Variants in NET1 observed in about 807,000 individuals in gnomAD.
NET1 encodes neuroepithelial cell transforming 1.
A neutral mutation model predicts 61.1 loss-of-function variants in NET1; 42 were observed. That is an observed-to-expected ratio of 0.69 (90% confidence interval 0.54 to 0.89). NET1 has a LOEUF of 0.89. Ranked by LOEUF, NET1 falls within the 40% of genes least tolerant of loss-of-function variation. The pLI, the probability that NET1 is intolerant of heterozygous loss-of-function variation, is 0.00. For missense variants in NET1, 654 were observed against 747.3 expected, an observed-to-expected ratio of 0.88 and a Z score of 1.46; for synonymous variants, 254 against 281.8, an observed-to-expected ratio of 0.90 and a Z score of 0.99.
Position 5,446,774 on chromosome 10 carries a change from A to G in NET1, c.256-5056A>G, listed in dbSNP as rs751713375. 1 of 1,604,504 alleles carries G rather than the reference A, an allele frequency of 6.2e-7. No individual in the cohort carries two copies. Among genetic ancestry groups the G allele is most frequent in the South Asian group, 1.1e-5 (1 of 89,024 alleles). ...GGGAGTACTTGGGAAGCATGGTGGC[A>G]CATGATGAGACTGGAGGTCTCCTAC... On this transcript the variant is annotated intron_variant, in intron 3 of 11. Coordinates refer to ENST00000355029, the MANE Select transcript of NET1 (RefSeq NM_001047160.3). This position sits in a 1 kb window ranked among gnomAD's most constrained non-coding sequence, Gnocchi z 5.0.
rs1345739776 is a variant in NET1, at chr10:5,457,462, CTT to C, written c.*470_*471del. 1 of 152,686 alleles carries C rather than the reference CTT, an allele frequency of 6.5e-6. No homozygotes were observed. The allele number at this position is 152,686 out of a possible 1,614,324, so 9.5% of individuals were successfully genotyped here. A position where few individuals can be genotyped will look rare whatever the true frequency, so the allele number is the denominator to read the frequency against. On this transcript the variant is annotated 3_prime_UTR_variant, in exon 12 of 12. Transcript: ENST00000355029. This position sits in a 1 kb window ranked among gnomAD's most constrained non-coding sequence, Gnocchi z 5.4. The stretch of plus-strand genomic sequence containing the variant: ...GAATGTATGTCTGGAGTATTTCAAA[CTT>C]TACATTGAAACATAATTTCCTTGGA...
chr10:5,444,676 A>T lies in NET1; in HGVS notation c.256-7154A>T, dbSNP rs1832575892. ...TCCTCCAAAGTTAGATCCTTGGACC[A>T]TGTTCTTTTTGTCCAAATTTTCTCT... On this transcript the variant is annotated intron_variant, in intron 3 of 11. Coordinates refer to ENST00000355029, the MANE Select transcript of NET1 (RefSeq NM_001047160.3). This position sits in a 1 kb window ranked among gnomAD's most constrained non-coding sequence, Gnocchi z 5.3. Among the ~76,000 whole-genome samples the T allele has an allele frequency of 6.6e-6, 1 of 152,020 alleles. No individual in the cohort carries two copies. The highest frequency in any genetic ancestry group is 6.6e-5 in the Admixed American group (1 of 15,258).
rs894367541 is a variant in NET1 at position 5,446,242 on chromosome 10, A to G, written c.256-5588A>G. On this transcript the variant is annotated intron_variant, in intron 3 of 11. Coordinates refer to ENST00000355029, the MANE Select transcript of NET1 (RefSeq NM_001047160.3). The surrounding 1 kb of genome is among the most constrained non-coding windows in gnomAD (Gnocchi z 5.0). ...GGAAAATTAGGCTTTTCTTCATTAT[A>G]TATGTTGATTCAGCCCTATCGAATA... is the stretch of plus-strand genomic sequence containing the variant. 6.6e-6 allele frequency among the ~76,000 whole-genome samples: 1 copy of G among 152,258 alleles called. No homozygotes were observed. The highest frequency in any genetic ancestry group is 2.4e-5 in the African/African-American group (1 of 41,552).
rs1255979377 is a variant in NET1 at position 5,452,072 on chromosome 10, A to G, written c.363+135A>G. The G allele has an allele frequency of 3.0e-6, 2 of 656,760 alleles. No individual in the cohort carries two copies. The highest frequency in any genetic ancestry group is 2.3e-5 in the South Asian group (1 of 42,566). The allele number at this position is 656,760 out of a possible 1,614,324, so 40.7% of individuals were successfully genotyped here. On this transcript the variant is annotated intron_variant, in intron 4 of 11. Coordinates refer to ENST00000355029, the MANE Select transcript of NET1 (RefSeq NM_001047160.3). The surrounding 1 kb of genome is among the most constrained non-coding windows in gnomAD (Gnocchi z 4.0). ...AGTTTTCTTTTTGGAATATGCTAGT[A>G]AGGAATATTGTTCCAGAACAATGTG...
chr10:5,437,177 A>G lies in NET1; in HGVS notation c.255+7948A>G, dbSNP rs946364170. Among the ~76,000 whole-genome samples, 1 of 152,226 alleles carries G rather than the reference A, an allele frequency of 6.6e-6. No homozygotes were observed. Among genetic ancestry groups the G allele is most frequent in the Non-Finnish European group, 1.5e-5 (1 of 68,040 alleles). ...TTTAAAGACCTCTTTTACTGCCTTC[A>G]GCCTCTGAAGTATCCAGTTATTATT... On this transcript the variant is annotated intron_variant, in intron 3 of 11. Coordinates refer to ENST00000355029, the MANE Select transcript of NET1 (RefSeq NM_001047160.3). The surrounding 1 kb of genome is among the most constrained non-coding windows in gnomAD (Gnocchi z 4.3).
rs60426135 is a variant in NET1 at position 5,447,223 on chromosome 10, G to T, written c.256-4607G>T. The stretch of plus-strand genomic sequence containing the variant: ...AATGGAGCAAGAGGAAAAGAATCCC[G>T]TTCTTGTAAATCAATGCTAGTGAAC... On this transcript the variant is annotated intron_variant, in intron 3 of 11. Coordinates refer to ENST00000355029, the MANE Select transcript of NET1 (RefSeq NM_001047160.3). This position sits in a 1 kb window ranked among gnomAD's most constrained non-coding sequence, Gnocchi z 4.1. Among the ~76,000 whole-genome samples, 989 of 152,284 alleles carry T rather than the reference G, an allele frequency of 6.5e-3. 37 individuals are homozygous for T. The East Asian group carries it at 0.11, about 16-fold the overall frequency.
Position 5,422,130 on chromosome 10 carries a change from G to T in NET1, c.129-4525G>T, listed in dbSNP as rs1333807317. ...GGCCGAGGCGGGTGGATCACCTGAG[G>T]TCAGGAGTTCGAGACCAGCCTGGTC... On this transcript the variant is annotated intron_variant, in intron 1 of 11. Transcript: ENST00000355029. The surrounding 1 kb of genome is among the most constrained non-coding windows in gnomAD (Gnocchi z 4.1). Among the ~76,000 whole-genome samples the T allele has an allele frequency of 2.0e-5, 3 of 152,112 alleles. No individual in the cohort carries two copies. Among genetic ancestry groups the T allele is most frequent in the Admixed American group, 6.6e-5 (1 of 15,266 alleles).
intron 3 of NET1, among the ~76,000 whole-genome samples, chr10:5,445,608 A>T (rs1832594981): frequency 6.6e-6 from 1 of 152,212 alleles, no homozygotes; most frequent in African/African-American, 2.4e-5. Context: ...TTACCATTCC[A>T]AATAGAATAA....
At chr10:5,450,694 G>A (rs1046989974) in intron 3 of NET1, among the ~76,000 whole-genome samples, 18 of 152,162 alleles carry the variant, frequency 1.2e-4, no homozygotes, top group South Asian at 1.0e-3. Flanking sequence ...ATTGTCAGAA[G>A]CACAAAATAC....
Position 5,458,397 on chromosome 10 carries a change from A to G in NET1, c.*1403A>G, listed in dbSNP as rs1490393376. 1 of 152,492 alleles carries G rather than the reference A, an allele frequency of 6.6e-6. No individual in the cohort carries two copies. The highest frequency in any genetic ancestry group is 6.6e-5 in the Admixed American group (1 of 15,262). 9.4% of individuals were successfully genotyped at this position (152,492 alleles called of 1,614,324 possible). On this transcript the variant is annotated 3_prime_UTR_variant, in exon 12 of 12. Transcript: ENST00000355029. The surrounding 1 kb of genome is among the most constrained non-coding windows in gnomAD (Gnocchi z 4.5). Reference sequence around the variant, plus strand: ...GATAATCAGAAAAGACTGTAAATAGATCCATCCAAATGATTTCTCTGTACA... The same window carrying G: ...GATAATCAGAAAAGACTGTAAATAGGTCCATCCAAATGATTTCTCTGTACA...
chr10:5,456,643 T>C lies in NET1; in HGVS notation c.1440T>C (p.Thr480=). Residue 480 remains threonine (T), a synonymous_variant, in exon 12 of 12, where the codon ACT becomes ACC. Coordinates refer to ENST00000355029, the MANE Select transcript of NET1 (RefSeq NM_001047160.3). This position sits in a 1 kb window ranked among gnomAD's most constrained non-coding sequence, Gnocchi z 7.0. ...FHDPSPAQSH[T]LQANDVFHKQ... ...ACCCCTCTCCAGCCCAGTCTCACAC[T>C]CTGCAAGCCAATGACGTGTTCCACA... 1 of 1,608,724 alleles carries C rather than the reference T, an allele frequency of 6.2e-7. No individual in the cohort carries two copies. Among genetic ancestry groups the C allele is most frequent in the African/African-American group, 1.3e-5 (1 of 74,708 alleles).
rs141697224 is a variant in NET1 at position 5,432,381 on chromosome 10, A to G, written c.255+3152A>G. ...TAATTATGCATTTGATTTATACTACAGTTCAAAGACAACAGCTTGCATTAT... is the reference window on the plus strand; with the variant it reads ...TAATTATGCATTTGATTTATACTACGGTTCAAAGACAACAGCTTGCATTAT... On this transcript the variant is annotated intron_variant, in intron 3 of 11. Transcript: ENST00000355029. Among the ~76,000 whole-genome samples the G allele has an allele frequency of 3.1e-3, 479 of 152,352 alleles. 1 individual carries two copies. Among genetic ancestry groups the G allele is most frequent in the African/African-American group, 0.011 (459 of 41,588 alleles).
rs1832497945 is a variant in NET1, at chr10:5,439,933, C to T, written c.255+10704C>T. 6.6e-6 allele frequency among the ~76,000 whole-genome samples: 1 copy of T among 152,212 alleles called. No homozygotes were observed. Among genetic ancestry groups the T allele is most frequent in the Non-Finnish European group, 1.5e-5 (1 of 68,028 alleles). ...TTCCCAAATATAGCAGATACTGCCT[C>T]CAAAAGATGAAGAGTCCTGCTAGCA... is the stretch of plus-strand genomic sequence containing the variant. On this transcript the variant is annotated intron_variant, in intron 3 of 11. Transcript: ENST00000355029. This position sits in a 1 kb window ranked among gnomAD's most constrained non-coding sequence, Gnocchi z 4.8.
chr10:5,457,097 T>A lies in NET1; in HGVS notation c.*103T>A, dbSNP rs1208503985. ...GCATCATAGGGTTACTTTATACCAG[T>A]TGTAACATTTTCATTGTTTTTGGTT... On this transcript the variant is annotated 3_prime_UTR_variant, in exon 12 of 12. Coordinates refer to ENST00000355029, the MANE Select transcript of NET1 (RefSeq NM_001047160.3). This position sits in a 1 kb window ranked among gnomAD's most constrained non-coding sequence, Gnocchi z 5.4. The A allele has an allele frequency of 1.8e-6, 2 of 1,124,074 alleles. No individual in the cohort carries two copies. The highest frequency in any genetic ancestry group is 2.4e-6 in the Non-Finnish European group (2 of 833,972). The allele number at this position is 1,124,074 out of a possible 1,614,324, so 69.6% of individuals were successfully genotyped here.
At chr10:5,425,974 A>T (rs1351330442) in intron 1 of NET1, among the ~76,000 whole-genome samples, 1 of 152,192 alleles carries the variant, frequency 6.6e-6, no homozygotes, top group Non-Finnish European at 1.5e-5. Context: ...TTATAAACAT[A>T]TGGCGGCTTA....
rs1294139221 is a variant in NET1, at chr10:5,417,181, G to A, written c.128+4361G>A. On this transcript the variant is annotated intron_variant, in intron 1 of 11. Transcript: ENST00000355029. This position sits in a 1 kb window ranked among gnomAD's most constrained non-coding sequence, Gnocchi z 5.5. ...CCAGCTGGCCTGCCAGCGTGCTGGTGTACTCCCACGTCGATGTGTTCCTCT... is the reference window on the plus strand; with the variant it reads ...CCAGCTGGCCTGCCAGCGTGCTGGTATACTCCCACGTCGATGTGTTCCTCT... 1.3e-5 allele frequency among the ~76,000 whole-genome samples: 2 copies of A among 148,184 alleles called. No homozygotes were observed. Among genetic ancestry groups the A allele is most frequent in the Non-Finnish European group, 3.0e-5 (2 of 66,732 alleles).
chr10:5,424,528 A>G lies in NET1; in HGVS notation c.129-2127A>G, dbSNP rs1232088528. On this transcript the variant is annotated intron_variant, in intron 1 of 11. Transcript: ENST00000355029. This position sits in a 1 kb window ranked among gnomAD's most constrained non-coding sequence, Gnocchi z 6.1. ...AGGGTTTTCTCAAGAAAAAAATACCATTTTCTTTGTTGATGCTTGACTTTT... is the reference window on the plus strand; with the variant it reads ...AGGGTTTTCTCAAGAAAAAAATACCGTTTTCTTTGTTGATGCTTGACTTTT... 6.6e-6 allele frequency among the ~76,000 whole-genome samples: 1 copy of G among 151,982 alleles called. No homozygotes were observed. Among genetic ancestry groups the G allele is most frequent in the African/African-American group, 2.4e-5 (1 of 41,368 alleles).
At chr10:5,428,994 A>G (rs1396469225) in intron 2 of NET1, among the ~76,000 whole-genome samples, 176 bp from the exon 3 acceptor site, 1 of 151,544 alleles carries the variant, frequency 6.6e-6, no homozygotes, top group East Asian at 1.9e-4. Flanking sequence ...TCAGCCTCCT[A>G]AAGTGCTGAA....
At position 5,440,171 on chromosome 10, in the gene NET1, G is replaced by A. The variant is rs1430517094; in HGVS notation, c.255+10942G>A. 1.3e-5 allele frequency among the ~76,000 whole-genome samples: 2 copies of A among 152,222 alleles called. No homozygotes were observed. Among genetic ancestry groups the A allele is most frequent in the African/African-American group, 4.8e-5 (2 of 41,452 alleles). The stretch of plus-strand genomic sequence containing the variant: ...ATAATGTTATTAATACAGTGGGCCT[G>A]TATGATGTTCTGTGAAATATCCGGT... On this transcript the variant is annotated intron_variant, in intron 3 of 11. Transcript: ENST00000355029. This position sits in a 1 kb window ranked among gnomAD's most constrained non-coding sequence, Gnocchi z 4.1.
Sources: allele counts gnomAD v4.1 joint callset (sites outside exome capture counted in the v4.1 genomes callset), GRCh38; gene constraint gnomAD v4.1.1; non-coding constraint Gnocchi (gnomAD v3.1); transcripts MANE v1.5; gene names NCBI Gene and HGNC (gene_info 2026-07-23, HGNC 2026-07-21).